The following CTBP1 variants were observed in gnomAD, a reference collection of about 807,000 sequenced individuals.
The protein encoded by CTBP1 is C-terminal binding protein 1, also known as C-terminal-binding protein 1.
CTBP1 carries 11 observed loss-of-function variants against 42.1 expected under a neutral mutation model. The observed-to-expected ratio is 0.26, with a 90% CI of 0.16 to 0.43. The LOEUF is 0.43. CTBP1 is among the 20% of genes least tolerant of loss of function. CTBP1 has a pLI of 1.00. For missense variants in CTBP1, 399 were observed against 624.3 expected (o/e 0.64, Z 3.85); for synonymous variants, 324 against 277.1 (o/e 1.17, Z -1.68).
At chr4:1,243,955 A>G in intron 1 of CTBP1, 1 of 985,460 alleles carries the variant, frequency 1.0e-6, no homozygotes, top group South Asian at 4.7e-5. Context: ...GAGGGAAGTG[A>G]GTGTAGAGCA....
At chr4:1,237,213 G>T in intron 3 of CTBP1, 1 of 652,348 alleles carries the variant, frequency 1.5e-6, no homozygotes, top group Non-Finnish European at 2.8e-6. Flanking sequence ...GGGGCACAGG[G>T]CAAACCGAGT....
At chr4:1,226,345 T>TG (rs1313656832) in intron 4 of CTBP1, among the ~76,000 whole-genome samples, 1 of 151,600 alleles carries the variant, frequency 6.6e-6, no homozygotes, top group Non-Finnish European at 1.5e-5. Context: ...TCCGTCTCCC[T>TG]GGGGAGGAGG....
At chr4:1,213,096 G>T in intron 8 of CTBP1, 66 bp from the exon 9 acceptor site, 1 of 1,336,700 alleles carries the variant, frequency 7.5e-7, no homozygotes, top group Non-Finnish European at 1.1e-6. Flanking sequence ...GGCCCACTGG[G>T]TTGAAGACAC....
chr4:1,249,537 C>G (rs1175715998), upstream of CTBP1: 2 of 178,122 alleles, frequency 1.1e-5, no homozygotes, highest in Middle Eastern at 2.5e-3. Flanking sequence ...CGCCAGCTGC[C>G]GCCCTCCCGC....
chr4:1,213,628 C>A, intron 7 of CTBP1, 23 bp from the exon 8 acceptor site: 2 of 1,609,644 alleles, frequency 1.2e-6, no homozygotes, highest in South Asian at 2.2e-5. Flanking sequence ...CAGGCATGGT[C>A]AGTGCAGCCT....
chr4:1,212,598 G>A (rs1728660187), intron 9 of CTBP1, 175 bp from the exon 10 acceptor site: 1 of 650,172 alleles, frequency 1.5e-6, no homozygotes, highest in Admixed American at 3.3e-5. Context: ...TCTCAGGGCT[G>A]GGGAGGGGAG....
At chr4:1,227,340 T>C (rs1730464170) in intron 4 of CTBP1, among the ~76,000 whole-genome samples, 1 of 149,622 alleles carries the variant, frequency 6.7e-6, no homozygotes, top group Non-Finnish European at 1.5e-5. Flanking sequence ...CGGGTGCAGA[T>C]GAGTGTGTGT....
chr4:1,229,361 GA>G (rs1193157276), intron 3 of CTBP1, among the ~76,000 whole-genome samples: 7 of 152,274 alleles, frequency 4.6e-5, no homozygotes, highest in Non-Finnish European at 1.0e-4. Flanking sequence ...CACGGGTGCA[GA>G]GATGCTCTGT....
Position 1,213,940 on chromosome 4 carries a change from G to A in CTBP1, c.861-335C>T, listed in dbSNP as rs1439534600. 2.2e-5 allele frequency: 9 copies of A among 413,972 alleles called. No homozygotes were observed. In the East Asian group the frequency reaches 3.2e-4, roughly 14 times the overall value. 25.6% of individuals were successfully genotyped at this position (413,972 alleles called of 1,614,324 possible). A position where few individuals can be genotyped will look rare whatever the true frequency, so the allele number is the denominator to read the frequency against. On this transcript the variant is annotated intron_variant, in intron 7 of 9. Transcript: ENST00000382952. ...AGCTGCAGGCTGATACTGCCCCTGT[G>A]GGGGTGTCTCCTCTTGCGGCTGAAC...
intron 6 of CTBP1, among the ~76,000 whole-genome samples, chr4:1,215,168 T>A (rs1450991241): frequency 1.3e-5 from 2 of 152,188 alleles, no homozygotes; most frequent in African/African-American, 4.8e-5. Context: ...CTGACCAGCA[T>A]CCACGTGCCA....
chr4:1,223,989 C>T (rs1221226088), intron 5 of CTBP1, among the ~76,000 whole-genome samples: 1 of 152,192 alleles, frequency 6.6e-6, no homozygotes, highest in Non-Finnish European at 1.5e-5. Context: ...GAAAGGCAAA[C>T]CACTCCCCGG....
chr4:1,222,297 G>A lies in CTBP1; in HGVS notation c.514+3063C>T, dbSNP rs982335947. Among the ~76,000 whole-genome samples the A allele has an allele frequency of 3.9e-5, 6 of 152,130 alleles. No individual in the cohort carries two copies. In the South Asian group the frequency reaches 1.0e-3, roughly 26 times the overall value. On this transcript the variant is annotated intron_variant, in intron 5 of 9. Transcript: ENST00000382952. ...GTAGGGGTCCCGTCCACAAGGTAGAGGCTGCAGCGTCAGGGGGCTCGTGTC... is the reference window on the plus strand; with the variant it reads ...GTAGGGGTCCCGTCCACAAGGTAGAAGCTGCAGCGTCAGGGGGCTCGTGTC...
chr4:1,228,720 AG>A (rs3836584), intron 3 of CTBP1, among the ~76,000 whole-genome samples: 118,114 of 151,686 alleles, frequency 0.78, 47,022 homozygotes, highest in South Asian at 0.89. Flanking sequence ...AGGACACAGG[AG>A]GGGGGGTGCG....
intron 1 of CTBP1, chr4:1,243,039 T>A: frequency 1.0e-6 from 1 of 985,336 alleles, no homozygotes; most frequent in East Asian, 1.1e-4. Context: ...TACGGGCCAA[T>A]ACTCATTGAT....
chr4:1,242,152 G>T (rs552271594), intron 1 of CTBP1: 3 of 985,428 alleles, frequency 3.0e-6, no homozygotes, highest in Non-Finnish European at 3.6e-6. Context: ...AGGGCCTGGC[G>T]GGAAGCTGAG....
chr4:1,236,524 G>T (rs1731510138), intron 3 of CTBP1: 1 of 621,278 alleles, frequency 1.6e-6, no homozygotes, highest in South Asian at 1.8e-5. Flanking sequence ...GAAGCCACAG[G>T]GCAAACCCGG....
intron 5 of CTBP1, among the ~76,000 whole-genome samples, chr4:1,219,545 G>A (rs1302267781): frequency 2.6e-5 from 4 of 152,078 alleles, no homozygotes; most frequent in Admixed American, 6.5e-5. Context: ...ACATCAACAC[G>A]GTAACACCCA....
intron 1 of CTBP1, among the ~76,000 whole-genome samples, chr4:1,247,765 GGA>G (rs1416245708): frequency 1.7e-5 from 2 of 117,864 alleles, no homozygotes; most frequent in South Asian, 3.2e-4. Context: ...GAGAGGCCGG[GGA>G]GGGGGGGGGG....
At chr4:1,226,042 G>A (rs915071845) in intron 4 of CTBP1, among the ~76,000 whole-genome samples, 13 of 151,990 alleles carry the variant, frequency 8.6e-5, no homozygotes, top group East Asian at 1.9e-4. Flanking sequence ...AGGCCCAGCC[G>A]GGCCCCGAAG....
Sources: gnomAD v4.1 joint callset for allele counts (sites outside exome capture counted in the v4.1 genomes callset) on GRCh38, gnomAD v4.1.1 for gene constraint, MANE v1.5 for transcripts, NCBI Gene and HGNC (gene_info 2026-07-23, HGNC 2026-07-21) for gene names.